The following PAXBP1 variants were observed in gnomAD, a reference collection of about 807,000 sequenced individuals.
The protein encoded by PAXBP1 is PAX3 and PAX7 binding protein 1.
In PAXBP1, 44 loss-of-function variants were observed where a neutral mutation model predicts 119.9. The observed-to-expected ratio is 0.37, with a 90% confidence interval of 0.29 to 0.47. The LOEUF is 0.47. Among genes scored for constraint, PAXBP1 ranks in the 20% least tolerant of loss-of-function variants. The pLI is 0.99. For missense variants in PAXBP1, 898 were observed against 1,134.1 expected (o/e 0.79, Z 2.99); for synonymous variants, 393 against 406.6 (o/e 0.97, Z 0.40).
At chr21:32,747,773 T>G (rs2043896035) in intron 11 of PAXBP1, among the ~76,000 whole-genome samples, 1 of 151,904 alleles carries the variant, frequency 6.6e-6, no homozygotes, top group African/African-American at 2.4e-5. Context: ...TAGGTCCTCT[T>G]GATTCCACCT....
intron 7 of PAXBP1, chr21:32,756,131 T>A (rs2044039035): frequency 3.5e-6 from 1 of 287,484 alleles, no homozygotes; most frequent in Admixed American, 5.1e-5. Context: ...TTTACTTGAT[T>A]CATATAGAAT....
intron 5 of PAXBP1, 116 bp downstream of exon 5, chr21:32,760,943 G>T (rs8133519): frequency 0.45 from 312,721 of 697,694 alleles, 71,293 homozygotes; most frequent in African/African-American, 0.52. Context: ...GTCTCCTCAT[G>T]GGATTTTGTT....
chr21:32,748,396 C>T, intron 11 of PAXBP1, 103 bp downstream of exon 11: 1 of 1,061,230 alleles, frequency 9.4e-7, no homozygotes, highest in Admixed American at 2.5e-5. Flanking sequence ...TGCCCTATCA[C>T]CCCTGCAAAA....
At position 32,751,064 on chromosome 21, in the gene PAXBP1, A is replaced by G. The variant is rs373609623; in HGVS notation, c.1608-32T>C. On this transcript the variant is annotated intron_variant, in intron 9 of 17. Transcript: ENST00000331923. ...AATAAACATCAAGTTCCCAAACTAGATAACAGAGACTCCTCCCTTCCCAAA... is the reference window on the plus strand; with the variant it reads ...AATAAACATCAAGTTCCCAAACTAGGTAACAGAGACTCCTCCCTTCCCAAA... 9.3e-6 allele frequency: 15 copies of G among 1,612,916 alleles called. No individual in the cohort carries two copies. The Admixed American group carries it at 1.3e-4, about 14-fold the overall frequency.
rs533812224 is a variant in PAXBP1 at position 32,745,772 on chromosome 21, T to G, written c.1924-54A>C. Reference sequence around the variant, plus strand: ...TACTAAAATAGTGGCTATTTCTGCTTCCAGCTATGATAAGAGAAACAAGAA... The same window carrying G: ...TACTAAAATAGTGGCTATTTCTGCTGCCAGCTATGATAAGAGAAACAAGAA... On this transcript the variant is annotated intron_variant, in intron 11 of 17. Coordinates refer to ENST00000331923, the MANE Select transcript of PAXBP1 (RefSeq NM_016631.4). 1.1e-5 allele frequency: 18 copies of G among 1,597,912 alleles called. No individual in the cohort carries two copies. In the African/African-American group the frequency reaches 1.3e-4, roughly 12 times the overall value.
intron 15 of PAXBP1, 63 bp downstream of exon 15, chr21:32,743,185 A>T: frequency 8.0e-7 from 1 of 1,253,718 alleles, no homozygotes; most frequent in Non-Finnish European, 1.1e-6. Flanking sequence ...AAAACACTCT[A>T]AAAAATGTAA....
intron 8 of PAXBP1, among the ~76,000 whole-genome samples, chr21:32,753,176 C>T (rs553771488): frequency 3.3e-5 from 5 of 151,814 alleles, no homozygotes; most frequent in South Asian, 2.1e-4. Flanking sequence ...TATCATTATA[C>T]GGCTGGGCAC....
At chr21:32,769,482 A>C (rs1046086093) in intron 2 of PAXBP1, among the ~76,000 whole-genome samples, 5 of 152,034 alleles carry the variant, frequency 3.3e-5, no homozygotes, top group African/African-American at 9.7e-5. Flanking sequence ...TTTGCACAAC[A>C]CTCCTTCAAA....
At chr21:32,758,717 C>T (rs1220338133) in intron 7 of PAXBP1, among the ~76,000 whole-genome samples, 1 of 145,428 alleles carries the variant, frequency 6.9e-6, no homozygotes, top group Non-Finnish European at 1.5e-5. Context: ...CTTGTAGAAA[C>T]GTTTAAAAAT....
In PAXBP1 at chr21:32,771,308, C is replaced by T. The variant is rs773125380; in HGVS notation, c.343+18G>A. 3.0e-4 allele frequency: 478 copies of T among 1,569,662 alleles called. No individual in the cohort carries two copies. The highest frequency in any genetic ancestry group is 1.9e-4 in the Admixed American group (11 of 57,848). ...CGGGGATGCGGCCGTCTAAGGGCGT[C>T]CGAAGCGCGCACTTTACCTTCCTCC... is the stretch of plus-strand genomic sequence containing the variant. On this transcript the variant is annotated intron_variant, in intron 1 of 17. Coordinates refer to ENST00000331923, the MANE Select transcript of PAXBP1 (RefSeq NM_016631.4).
intron 5 of PAXBP1, among the ~76,000 whole-genome samples, chr21:32,760,256 C>T (rs2044117604): frequency 6.6e-6 from 1 of 151,984 alleles, no homozygotes; most frequent in Admixed American, 6.6e-5. Context: ...CATTTAAGGC[C>T]ACCTTTGATC....
At chr21:32,767,667 C>T (rs771641318) in intron 2 of PAXBP1, among the ~76,000 whole-genome samples, 26 of 152,290 alleles carry the variant, frequency 1.7e-4, no homozygotes, top group Non-Finnish European at 3.5e-4. Flanking sequence ...TCAGGGGTTT[C>T]CGCTTTTGCT....
intron 11 of PAXBP1, 27 bp from the exon 12 acceptor site, chr21:32,745,745 A>T: frequency 6.2e-7 from 1 of 1,612,230 alleles, no homozygotes; most frequent in South Asian, 1.1e-5. Context: ...AGGTTACCCA[A>T]ATACTAAAAT....
At chr21:32,743,071 G>C (rs1278980614) in intron 15 of PAXBP1, 177 bp downstream of exon 15, 2 of 695,126 alleles carry the variant, frequency 2.9e-6, no homozygotes, top group Admixed American at 2.0e-5. Flanking sequence ...TTTCTCCTGT[G>C]AAAATATCAA....
rs995248441 is a variant in PAXBP1 at position 32,771,718 on chromosome 21, G to C, written c.-50C>G. On this transcript the variant is annotated 5_prime_UTR_variant, in exon 1 of 18. Coordinates refer to ENST00000331923, the MANE Select transcript of PAXBP1 (RefSeq NM_016631.4). ...ATACTCGCTTCCACACCGCGGCCCC[G>C]GCAGCGCCGAGCTCGTGACGGCGCA... The C allele has an allele frequency of 3.8e-6, 5 of 1,330,808 alleles. No individual in the cohort carries two copies. Among genetic ancestry groups the C allele is most frequent in the Non-Finnish European group, 4.8e-6 (5 of 1,038,380 alleles). The allele number at this position is 1,330,808 out of a possible 1,614,324, so 82.4% of individuals were successfully genotyped here.
chr21:32,735,313 C>G (rs539554881), intron 17 of PAXBP1, among the ~76,000 whole-genome samples: 5 of 151,660 alleles, frequency 3.3e-5, no homozygotes, highest in Non-Finnish European at 7.4e-5. Context: ...TTTAAAAAAG[C>G]AAAACAAAAT....
chr21:32,770,798 A>C (rs2044326364), intron 1 of PAXBP1, among the ~76,000 whole-genome samples: 1 of 152,206 alleles, frequency 6.6e-6, no homozygotes, highest in East Asian at 1.9e-4. Context: ...TTTATGGGTA[A>C]ACTGAGGCTC....
At chr21:32,768,581 C>A (rs1485954170) in intron 2 of PAXBP1, among the ~76,000 whole-genome samples, 1 of 152,224 alleles carries the variant, frequency 6.6e-6, no homozygotes, top group Non-Finnish European at 1.5e-5. Flanking sequence ...TCTTGCTCAA[C>A]TGTGAGACCT....
Position 32,748,695 on chromosome 21 carries a change from C to A in PAXBP1, c.1727G>T (p.Arg576Leu). The change falls in exon 11 of 18, where the codon CGA becomes CTA. Residue 576 changes from arginine to leucine, a missense_variant. Around this residue, in one of 2 missense-constraint regions of PAXBP1, gnomAD observed 599 missense variants for 852.7 expected, o/e 0.70. Transcript: ENST00000331923. ...DITNFNLEKD[R>L]ISKESGKVFE... The stretch of plus-strand genomic sequence containing the variant: ...AACTTTGCCGGATTCTTTTGAAATT[C>A]GATCTAAAAACAACAAAACCCCACA... 1 of 1,607,568 alleles carries A rather than the reference C, an allele frequency of 6.2e-7. No individual in the cohort carries two copies. Among genetic ancestry groups the A allele is most frequent in the South Asian group, 1.1e-5 (1 of 90,704 alleles).
Sources: gnomAD v4.1 joint callset for allele counts (sites outside exome capture counted in the v4.1 genomes callset) on GRCh38, gnomAD v4.1.1 for gene constraint, gnomAD v4.1.1 regional missense constraint, MANE v1.5 for transcripts, NCBI Gene and HGNC (gene_info 2026-07-23, HGNC 2026-07-21) for gene names.